MCTP1: variants seen among roughly 807,000 people sequenced by gnomAD.
The protein encoded by MCTP1 is multiple C2 and transmembrane domain containing 1, also known as multiple C2 and transmembrane domain-containing protein 1.
In MCTP1, 69 loss-of-function variants were observed where a neutral mutation model predicts 120.6. That is an observed-to-expected ratio of 0.57 (90% CI 0.47 to 0.70). The LOEUF is 0.70. Among genes scored for constraint, MCTP1 ranks in the 30% least tolerant of loss-of-function variants. The pLI, the probability that MCTP1 is intolerant of heterozygous loss-of-function variation, is 0.00. For synonymous variants in MCTP1, 529 were observed against 493.1 expected, an observed-to-expected ratio of 1.07 and a Z score of -0.96; for missense variants, 1,203 against 1,248.8, an observed-to-expected ratio of 0.96 and a Z score of 0.55.
chr5:94,907,184 G>A (rs555079485), intron 10 of MCTP1, among the ~76,000 whole-genome samples: 51 of 152,298 alleles, frequency 3.3e-4, no homozygotes, highest in African/African-American at 1.2e-3. Flanking sequence ...TTTAACAAGC[G>A]TCAAGTTAGA....
chr5:94,813,983 C>T (rs916056708), intron 17 of MCTP1, among the ~76,000 whole-genome samples: 4 of 152,206 alleles, frequency 2.6e-5, no homozygotes, highest in South Asian at 2.1e-4. Context: ...GTTCAAAAAA[C>T]GCAAATCCCT....
chr5:94,815,774 G>T (rs1580830967), intron 17 of MCTP1, among the ~76,000 whole-genome samples: 1 of 152,136 alleles, frequency 6.6e-6, no homozygotes, highest in Non-Finnish European at 1.5e-5. Flanking sequence ...TTAAATACCA[G>T]TTAGAAAAGA....
At chr5:95,002,117 G>A (rs1833852008) in intron 2 of MCTP1, among the ~76,000 whole-genome samples, 1 of 152,170 alleles carries the variant, frequency 6.6e-6, no homozygotes, top group African/African-American at 2.4e-5. Flanking sequence ...TGAGCCTGTG[G>A]GTGCACAGAA....
intron 1 of MCTP1, among the ~76,000 whole-genome samples, chr5:95,072,379 A>C (rs748683466): frequency 6.6e-5 from 10 of 152,166 alleles, no homozygotes; most frequent in Admixed American, 1.3e-4. Flanking sequence ...ACTCCAATAA[A>C]TCACTCTACT....
At chr5:94,976,505 T>C (rs1426255807) in intron 2 of MCTP1, among the ~76,000 whole-genome samples, 1 of 152,078 alleles carries the variant, frequency 6.6e-6, no homozygotes. Context: ...CTAATTTTAG[T>C]AGCAATCTTC....
At position 94,710,917 on chromosome 5, in the gene MCTP1, A is replaced by C; in HGVS notation, c.2731T>G (p.Trp911Gly). ...AGCCAGCTTAAGAATGGGACAGTCCAGTTGAAAGTACTGAATGGAAAATTA... is the reference window on the plus strand; with the variant it reads ...AGCCAGCTTAAGAATGGGACAGTCCCGTTGAAAGTACTGAATGGAAAATTA... ...FGERIKNTFNWTVPFLSWLAI... is the reference protein window; with the variant it reads ...FGERIKNTFNGTVPFLSWLAI... The change falls in exon 21 of 23, where the codon TGG becomes GGG. Residue 911 changes from tryptophan (W) to glycine (G), a missense_variant. Around this residue, in one of 2 missense-constraint regions of MCTP1, gnomAD observed 740 missense variants for 871.1 expected, o/e 0.85. Coordinates refer to ENST00000515393, the MANE Select transcript of MCTP1 (RefSeq NM_024717.7). The C allele has an allele frequency of 6.2e-7, 1 of 1,610,396 alleles. No individual in the cohort carries two copies. Among genetic ancestry groups the C allele is most frequent in the South Asian group, 1.1e-5 (1 of 90,826 alleles).
In MCTP1 at chr5:94,706,588, T is replaced by TTTTTTC. The variant is rs879740372; in HGVS notation, c.*907_*908insGAAAAA. Reference sequence around the variant, plus strand: ...CTAATGAGAAAGCAGGTTTTTTTTTTCTCTGAGAGCACTTGAGTATTTATT... The same window carrying TTTTTTC: ...CTAATGAGAAAGCAGGTTTTTTTTTTTTTTTCCTCTGAGAGCACTTGAGTATTTATT... On this transcript the variant is annotated 3_prime_UTR_variant, in exon 23 of 23. Coordinates refer to ENST00000515393, the MANE Select transcript of MCTP1 (RefSeq NM_024717.7). 1.6e-3 allele frequency: 249 copies of TTTTTTC among 151,424 alleles called. 1 individual carries two copies. The highest frequency in any genetic ancestry group is 5.4e-3 in the African/African-American group (225 of 41,340). 9.4% of individuals were successfully genotyped at this position (151,424 alleles called of 1,614,324 possible). A position where few individuals can be genotyped will look rare whatever the true frequency, so the allele number is the denominator to read the frequency against.
intron 3 of MCTP1, among the ~76,000 whole-genome samples, chr5:94,946,844 C>T (rs955009913): frequency 1.3e-5 from 2 of 152,188 alleles, no homozygotes; most frequent in Middle Eastern, 3.2e-3. Context: ...GTTCGGCATC[C>T]TTCTCCCCCA....
At chr5:95,212,995 T>G (rs1475171804) in intron 1 of MCTP1, among the ~76,000 whole-genome samples, 1 of 152,168 alleles carries the variant, frequency 6.6e-6, no homozygotes, top group Non-Finnish European at 1.5e-5. Context: ...TTCAACATAG[T>G]GTTGGAAATT....
chr5:94,909,161 A>G lies in MCTP1; in HGVS notation c.1652+90T>C, dbSNP rs1807765450. 8 of 1,434,244 alleles carry G rather than the reference A, an allele frequency of 5.6e-6. No individual in the cohort carries two copies. In the Admixed American group the frequency reaches 5.9e-5, roughly 11 times the overall value. The allele number at this position is 1,434,244 out of a possible 1,614,324, so 88.8% of individuals were successfully genotyped here. A position where few individuals can be genotyped will look rare whatever the true frequency, so the allele number is the denominator to read the frequency against. Reference sequence around the variant, plus strand: ...GTAAAGTCCCTTTCTTCAAAACAGTAAAGATCATTTACAATAACCAGGCTT... The same window carrying G: ...GTAAAGTCCCTTTCTTCAAAACAGTGAAGATCATTTACAATAACCAGGCTT... On this transcript the variant is annotated intron_variant, in intron 10 of 22. Coordinates refer to ENST00000515393, the MANE Select transcript of MCTP1 (RefSeq NM_024717.7).
chr5:95,192,899 T>A (rs190525886), intron 1 of MCTP1, among the ~76,000 whole-genome samples: 3 of 152,226 alleles, frequency 2.0e-5, no homozygotes, highest in Admixed American at 2.0e-4. Flanking sequence ...GATTGCTACT[T>A]GCTGATAAGA....
intron 1 of MCTP1, among the ~76,000 whole-genome samples, chr5:95,250,559 A>G (rs1434532461): frequency 6.6e-6 from 1 of 152,176 alleles, no homozygotes; most frequent in Non-Finnish European, 1.5e-5. Flanking sequence ...GGCTGATATA[A>G]GTTTGAATTT....
At chr5:95,075,771 T>C (rs1199649454) in intron 1 of MCTP1, among the ~76,000 whole-genome samples, 1 of 152,232 alleles carries the variant, frequency 6.6e-6, no homozygotes, top group Non-Finnish European at 1.5e-5. Flanking sequence ...ACAATAACTT[T>C]CTTAACACTT....
At chr5:94,898,337 G>A (rs1804637707) in intron 10 of MCTP1, among the ~76,000 whole-genome samples, 1 of 152,206 alleles carries the variant, frequency 6.6e-6, no homozygotes, top group Non-Finnish European at 1.5e-5. Flanking sequence ...TAAATGAAGT[G>A]TCACCTGTAA....
chr5:94,753,093 A>G (rs1768886034), intron 19 of MCTP1, among the ~76,000 whole-genome samples: 1 of 152,180 alleles, frequency 6.6e-6, no homozygotes, highest in African/African-American at 2.4e-5. Flanking sequence ...CTCAGGTCCT[A>G]ATTACCCTGA....
chr5:95,028,705 A>T (rs907718866), intron 1 of MCTP1, among the ~76,000 whole-genome samples: 1 of 152,256 alleles, frequency 6.6e-6, no homozygotes, highest in Admixed American at 6.5e-5. Context: ...AAATTAGACC[A>T]TGTAAACAGA....
chr5:95,185,283 A>G lies in MCTP1; in HGVS notation c.720+98573T>C, dbSNP rs546686437. Among the ~76,000 whole-genome samples, 11 of 152,360 alleles carry G rather than the reference A, an allele frequency of 7.2e-5. No individual in the cohort carries two copies. The South Asian group carries it at 2.1e-3, about 29-fold the overall frequency. The stretch of plus-strand genomic sequence containing the variant: ...ATATATTCTATGAACTTAGATGCAG[A>G]AATCCTCAACAAAACATTAGCAAAT... On this transcript the variant is annotated intron_variant, in intron 1 of 22. Coordinates refer to ENST00000515393, the MANE Select transcript of MCTP1 (RefSeq NM_024717.7).
intron 2 of MCTP1, among the ~76,000 whole-genome samples, chr5:94,968,590 T>C (rs1345994940): frequency 6.6e-6 from 1 of 152,230 alleles, no homozygotes; most frequent in Non-Finnish European, 1.5e-5. Context: ...ATAAACATAC[T>C]ATACAAAAAG....
intron 1 of MCTP1, among the ~76,000 whole-genome samples, chr5:95,232,401 A>C (rs1755063323): frequency 6.6e-6 from 1 of 151,948 alleles, no homozygotes; most frequent in African/African-American, 2.4e-5. Flanking sequence ...AGAAATTGTC[A>C]GATTGGGTAA....
Sources: gnomAD v4.1 joint callset for allele counts (sites outside exome capture counted in the v4.1 genomes callset) on GRCh38, gnomAD v4.1.1 for gene constraint, gnomAD v4.1.1 regional missense constraint, MANE v1.5 for transcripts, NCBI Gene and HGNC (gene_info 2026-07-23, HGNC 2026-07-21) for gene names.